Variants in RNF31 observed in about 807,000 individuals in gnomAD.
RNF31 encodes E3 ubiquitin-protein ligase RNF31.
RNF31 carries 38 observed loss-of-function variants against 133.6 expected under a neutral mutation model. The observed-to-expected ratio is 0.28, with a 90% CI of 0.22 to 0.37. The LOEUF is 0.37. RNF31 is among the 10% of genes least tolerant of loss of function. The pLI, the probability that RNF31 is intolerant of heterozygous loss-of-function variation, is 1.00. For missense variants in RNF31, 1,118 were observed against 1,394.1 expected, an observed-to-expected ratio of 0.80 and a Z score of 3.15; for synonymous variants, 582 against 552.3, an observed-to-expected ratio of 1.05 and a Z score of -0.75.
At chr14:24,158,086 G>A in intron 17 of RNF31, 56 bp from the exon 18 acceptor site, 1 of 1,611,840 alleles carries the variant, frequency 6.2e-7, no homozygotes, top group Non-Finnish European at 8.5e-7. Flanking sequence ...GCTAGGAATT[G>A]CAACAGGGAC....
Position 24,155,600 on chromosome 14 carries a change from C to T in RNF31, c.2404-3C>T. ...TGATAACTTTATGCTCTTGCACTTCCAGTGCTCCTTTGGCTTCATATATGA... is the reference window on the plus strand; with the variant it reads ...TGATAACTTTATGCTCTTGCACTTCTAGTGCTCCTTTGGCTTCATATATGA... On this transcript the variant is annotated splice_polypyrimidine_tract_variant and splice_region_variant and intron_variant, in intron 13 of 20. Transcript: ENST00000324103. The surrounding 1 kb of genome is among the most constrained non-coding windows in gnomAD (Gnocchi z 4.9). 2 of 1,614,106 alleles carry T rather than the reference C, an allele frequency of 1.2e-6. No homozygotes were observed. The highest frequency in any genetic ancestry group is 8.5e-7 in the Non-Finnish European group (1 of 1,179,926).
intron 18 of RNF31, chr14:24,158,521 G>C (rs62001566): frequency 0.091 from 35,746 of 393,654 alleles, 1,729 homozygotes; most frequent in South Asian, 0.12. Flanking sequence ...GCAGGGCACT[G>C]TTTTAGGTTC....
intron 11 of RNF31, 80 bp downstream of exon 11, chr14:24,152,072 G>A: frequency 7.1e-7 from 1 of 1,406,072 alleles, no homozygotes; most frequent in Non-Finnish European, 9.7e-7. Flanking sequence ...CTCCATCTCT[G>A]ATCCTGTCTT....
rs755511863 is a variant in RNF31, at chr14:24,150,367, A to G, written c.1116A>G (p.Ile372Met). The G allele has an allele frequency of 2.1e-5, 34 of 1,613,866 alleles. No individual in the cohort carries two copies. The highest frequency in any genetic ancestry group is 2.9e-5 in the Non-Finnish European group (34 of 1,180,030). Residue 372 changes from isoleucine (I) to methionine (M), a missense_variant, in exon 7 of 21, where the codon ATA becomes ATG. Around this residue, in one of 3 missense-constraint regions of RNF31, gnomAD observed 747 missense variants for 827.9 expected, o/e 0.90. Transcript: ENST00000324103. The stretch of plus-strand genomic sequence containing the variant: ...AGGCAGCTGCTGTGCTATGTTCCAT[A>G]TGTGAGCGACCTCGGCTGGCCCAGC... The part of the protein sequence containing the change: ...ENEAAAVLCS[I>M]CERPRLAQPP...
intron 11 of RNF31, among the ~76,000 whole-genome samples, chr14:24,152,549 G>A (rs1442758292): frequency 6.6e-6 from 1 of 151,396 alleles, no homozygotes; most frequent in Non-Finnish European, 1.5e-5. Context: ...CTCCTGAGTA[G>A]CTGGGATTAC....
At position 24,160,549 on chromosome 14, in the gene RNF31, G is replaced by C. The variant is rs1225981586; in HGVS notation, c.3195G>C (p.Gln1065His). Residue 1065 changes from glutamine (Q) to histidine (H), a missense_variant, in exon 21 of 21, where the codon CAG becomes CAC. Coordinates refer to ENST00000324103, the MANE Select transcript of RNF31 (RefSeq NM_017999.5). This position sits in a 1 kb window ranked among gnomAD's most constrained non-coding sequence, Gnocchi z 4.0. ...QKLTEEVPLG[Q>H]SIPRRRK ...TGACAGAAGAGGTACCCTTGGGACA[G>C]AGTATCCCCCGCAGGCGGAAGTAGC... 2 of 1,543,142 alleles carry C rather than the reference G, an allele frequency of 1.3e-6. No homozygotes were observed. The highest frequency in any genetic ancestry group is 1.8e-6 in the Non-Finnish European group (2 of 1,142,294).
intron 11 of RNF31, chr14:24,154,814 T>C (rs1594380183): frequency 3.0e-6 from 1 of 335,664 alleles, no homozygotes; most frequent in South Asian, 3.5e-5. Flanking sequence ...TCTTTAGTTA[T>C]ACCCTTCTGC....
chr14:24,147,153 G>A (rs527380712), upstream of RNF31: 6 of 163,212 alleles, frequency 3.7e-5, no homozygotes, highest in Admixed American at 3.2e-4. Flanking sequence ...GGTTAGGGCC[G>A]GCCAGAGTCG....
At chr14:24,153,961 CAT>C (rs2038305166) in intron 11 of RNF31, among the ~76,000 whole-genome samples, 1 of 152,144 alleles carries the variant, frequency 6.6e-6, no homozygotes, top group Non-Finnish European at 1.5e-5. Context: ...AAAAATAGTG[CAT>C]AGAGTCCTGT....
Position 24,151,548 on chromosome 14 carries a change from C to T in RNF31, c.1801C>T (p.His601Tyr). 1 of 1,614,202 alleles carries T rather than the reference C, an allele frequency of 6.2e-7. No homozygotes were observed. Among genetic ancestry groups the T allele is most frequent in the Non-Finnish European group, 8.5e-7 (1 of 1,180,046 alleles). Residue 601 changes from histidine to tyrosine, a missense_variant, in exon 10 of 21, where the codon CAC (histidine) becomes TAC (tyrosine). His to Tyr is a moderately conservative substitution (Grantham distance 83, BLOSUM62 2). This residue lies in a region of RNF31 where 747 missense variants were observed against 827.9 expected (regional missense o/e 0.90). Coordinates refer to ENST00000324103, the MANE Select transcript of RNF31 (RefSeq NM_017999.5). This position sits in a 1 kb window ranked among gnomAD's most constrained non-coding sequence, Gnocchi z 5.3. Reference protein sequence around the residue: ...EEGSLQALFQHGGDVSRALTE... With the variant: ...EEGSLQALFQYGGDVSRALTE... The stretch of plus-strand genomic sequence containing the variant: ...GGGGTCTCTCCAGGCATTGTTCCAG[C>T]ACGGAGGTGATGTGTCACGGGCCCT...
At chr14:24,159,276 G>A (rs2038401493) in intron 18 of RNF31, among the ~76,000 whole-genome samples, 1 of 151,100 alleles carries the variant, frequency 6.6e-6, no homozygotes, top group African/African-American at 2.4e-5. Context: ...GAACCCGGGA[G>A]GTGGAGATTG....
Position 24,147,552 on chromosome 14 carries a change from A to T in RNF31, c.-147A>T. 1 of 607,602 alleles carries T rather than the reference A, an allele frequency of 1.6e-6. No individual in the cohort carries two copies. The highest frequency in any genetic ancestry group is 2.5e-6 in the Non-Finnish European group (1 of 394,360). The allele number at this position is 607,602 out of a possible 1,614,324, so 37.6% of individuals were successfully genotyped here. ...GCGCTGGGCCGGGGGCTGGAGAGTG[A>T]CCGTGGTCTGAGTGACCTGGGGCGG... On this transcript the variant is annotated 5_prime_UTR_variant, in exon 1 of 21. Transcript: ENST00000324103.
chr14:24,160,543 G>T lies in RNF31; in HGVS notation c.3189G>T (p.Leu1063Phe). The T allele has an allele frequency of 6.5e-7, 1 of 1,547,918 alleles. No homozygotes were observed. The highest frequency in any genetic ancestry group is 1.2e-5 in the South Asian group (1 of 81,428). ...AGAAGCTGACAGAAGAGGTACCCTT[G>T]GGACAGAGTATCCCCCGCAGGCGGA... Reference protein sequence around the residue: ...LLQKLTEEVPLGQSIPRRRK With the variant: ...LLQKLTEEVPFGQSIPRRRK The change falls in exon 21 of 21, where the codon TTG becomes TTT. Residue 1063 changes from leucine (L) to phenylalanine (F), a missense_variant. By Grantham distance (22) the Leu-to-Phe change is conservative (BLOSUM62 0). Transcript: ENST00000324103. This position sits in a 1 kb window ranked among gnomAD's most constrained non-coding sequence, Gnocchi z 4.0.
intron 6 of RNF31, 28 bp downstream of exon 6, chr14:24,149,611 G>A (rs2038232337): frequency 6.3e-6 from 10 of 1,595,208 alleles, no homozygotes; most frequent in African/African-American, 1.3e-5. Context: ...CTGGGTGGGA[G>A]TGAAATTTAG....
At chr14:24,150,544 C>A (rs1160346115) in intron 7 of RNF31, 54 bp from the exon 8 acceptor site, 2 of 1,581,504 alleles carry the variant, frequency 1.3e-6, no homozygotes, top group Non-Finnish European at 1.7e-6. Flanking sequence ...CCCTGTATTT[C>A]TGTTGTGAAC....
chr14:24,149,708 C>T (rs931669178), intron 6 of RNF31, 125 bp downstream of exon 6: 5 of 976,442 alleles, frequency 5.1e-6, no homozygotes, highest in African/African-American at 3.3e-5. Flanking sequence ...AGTCAGAACC[C>T]TGAAAGAGAT....
chr14:24,160,372 G>C lies in RNF31; in HGVS notation c.3130G>C (p.Glu1044Gln). ...CGTACGCCCCCAGCCTTTGGCTGGA[G>C]AGGATCCCCCTGCTTACCAGGCCCG... Reference protein sequence around the residue: ...LHVRPQPLAGEDPPAYQARLL... With the variant: ...LHVRPQPLAGQDPPAYQARLL... The change falls in exon 20 of 21, where the codon GAG becomes CAG. Residue 1044 changes from glutamate (E) to glutamine (Q), a missense_variant. Transcript: ENST00000324103. The surrounding 1 kb of genome is among the most constrained non-coding windows in gnomAD (Gnocchi z 4.0). The C allele has an allele frequency of 6.2e-7, 1 of 1,614,158 alleles. No individual in the cohort carries two copies. The highest frequency in any genetic ancestry group is 8.5e-7 in the Non-Finnish European group (1 of 1,180,022).
At chr14:24,158,969 C>G (rs1203639809) in intron 18 of RNF31, among the ~76,000 whole-genome samples, 5 of 132,292 alleles carry the variant, frequency 3.8e-5, no homozygotes, top group East Asian at 2.3e-4. Context: ...GGAGGCGGAG[C>G]TTGCAGTGAG....
At position 24,158,194 on chromosome 14, in the gene RNF31, C is replaced by G; in HGVS notation, c.2894C>G (p.Pro965Arg). 1.2e-6 allele frequency: 2 copies of G among 1,614,160 alleles called. No homozygotes were observed. Among genetic ancestry groups the G allele is most frequent in the Non-Finnish European group, 1.7e-6 (2 of 1,179,978 alleles). ...TEPPAGARAVPGGGCRVIEQK... is the reference protein window; with the variant it reads ...TEPPAGARAVRGGGCRVIEQK... ...CCTCCAGCTGGGGCCCGGGCAGTCC[C>G]TGGAGGTGAGTGTTAGGACAAGCCT... Residue 965 changes from proline (P) to arginine (R), a missense_variant, in exon 18 of 21, where the codon CCT (proline) becomes CGT (arginine). Physicochemically the swap from Pro to Arg is moderately radical, Grantham distance 103 (BLOSUM62 -2). Coordinates refer to ENST00000324103, the MANE Select transcript of RNF31 (RefSeq NM_017999.5).
Sources: allele counts gnomAD v4.1 joint callset (sites outside exome capture counted in the v4.1 genomes callset), GRCh38; gene constraint gnomAD v4.1.1; regional missense constraint gnomAD v4.1.1; non-coding constraint Gnocchi (gnomAD v3.1); transcripts MANE v1.5; gene names NCBI Gene and HGNC (gene_info 2026-07-23, HGNC 2026-07-21).